Variants in SACS observed in about 807,000 individuals in gnomAD.
SACS encodes sacsin.
In SACS, 197 loss-of-function variants were observed where a neutral mutation model predicts 348.0. The ratio of observed to expected loss-of-function variants is 0.57; its 90% CI spans 0.50 to 0.64. The LOEUF (loss-of-function observed/expected upper bound fraction) is 0.64, where lower values mean the gene tolerates loss of function less well. SACS is among the 30% of genes least tolerant of loss of function. SACS has a pLI of 0.00. For missense variants in SACS, 4,999 were observed against 5,360.8 expected, an observed-to-expected ratio of 0.93 and a Z score of 2.11; for synonymous variants, 1,985 against 1,910.6, an observed-to-expected ratio of 1.04 and a Z score of -1.02.
In SACS at chr13:23,332,168, C is replaced by T. The variant is rs768413178; in HGVS notation, c.11708G>A (p.Arg3903Gln). Residue 3903 changes from arginine (R) to glutamine (Q), a missense_variant, in exon 10 of 10, where the codon CGA (arginine) becomes CAA (glutamine). This residue lies in a region of SACS where 831 missense variants were observed against 941.8 expected (regional missense o/e 0.88). Coordinates refer to ENST00000382292, the MANE Select transcript of SACS (RefSeq NM_014363.6). ...GCTTGGGAGGTAAAGCGCAAGGTCT[C>T]GTACATTCTCGAGATCACTCCTCAC... ...VKVRSDLENV[R>Q]DLALYLPSQD... is the part of the protein sequence containing the mutation. The T allele has an allele frequency of 5.6e-6, 9 of 1,613,894 alleles. No homozygotes were observed. In the Admixed American group the frequency reaches 6.7e-5, roughly 12 times the overall value.
intron 2 of SACS, among the ~76,000 whole-genome samples, chr13:23,407,127 T>C (rs1030348641): frequency 3.3e-5 from 5 of 152,246 alleles, no homozygotes; most frequent in African/African-American, 9.6e-5. Context: ...CCGAAGATAC[T>C]GTAAGCCCAA....
intron 2 of SACS, among the ~76,000 whole-genome samples, chr13:23,378,024 C>T (rs1167046761): frequency 1.3e-5 from 2 of 152,180 alleles, no homozygotes; most frequent in Non-Finnish European, 1.5e-5. Flanking sequence ...TTATTTTTAG[C>T]GACATTAAAC....
In SACS at chr13:23,329,745, T is replaced by G; in HGVS notation, c.*391A>C. 1 of 492,600 alleles carries G rather than the reference T, an allele frequency of 2.0e-6. No homozygotes were observed. The highest frequency in any genetic ancestry group is 3.6e-6 in the Non-Finnish European group (1 of 281,618). The allele number at this position is 492,600 out of a possible 1,614,324, so 30.5% of individuals were successfully genotyped here. On this transcript the variant is annotated 3_prime_UTR_variant, in exon 10 of 10. Coordinates refer to ENST00000382292, the MANE Select transcript of SACS (RefSeq NM_014363.6). ...TTAATTCCCCTTATGTTTAAACCAA[T>G]TATATGTCCAGTGTTTCATTAGCTC...
chr13:23,391,774 T>C (rs773731001), intron 2 of SACS, among the ~76,000 whole-genome samples: 1 of 151,154 alleles, frequency 6.6e-6, no homozygotes, highest in Non-Finnish European at 1.5e-5. Context: ...TGATCGCCTA[T>C]TCCATCCAGG....
At chr13:23,363,657 T>C (rs1037126538) in intron 6 of SACS, among the ~76,000 whole-genome samples, 4 of 152,236 alleles carry the variant, frequency 2.6e-5, no homozygotes, top group Admixed American at 6.5e-5. Flanking sequence ...AAAAACATCA[T>C]AGGCTCTCCT....
rs1480016379 is a variant in SACS at position 23,330,405 on chromosome 13, C to A, written c.13471G>T (p.Ala4491Ser). The change falls in exon 10 of 10, where the codon GCT (alanine) becomes TCT (serine). Residue 4491 changes from alanine to serine, a missense_variant. Physicochemically the swap from Ala to Ser is moderately conservative, Grantham distance 99. Transcript: ENST00000382292. ...TKLALIAADY[A>S]VRGKSDKDVK... ...TCTTTATCAGACTTTCCCCTCACAG[C>A]ATAGTCAGCTGCAATCAAAGCTAAC... The A allele has an allele frequency of 1.2e-6, 2 of 1,614,078 alleles. No individual in the cohort carries two copies. The highest frequency in any genetic ancestry group is 1.3e-5 in the African/African-American group (1 of 74,942).
chr13:23,360,509 A>G (rs1870663334), intron 6 of SACS, among the ~76,000 whole-genome samples: 1 of 152,080 alleles, frequency 6.6e-6, no homozygotes, highest in Non-Finnish European at 1.5e-5. Flanking sequence ...AGGAAATTAA[A>G]ATTTTCAGCA....
At chr13:23,409,034 GTTTTACTTTT>G (rs1873358312) in intron 2 of SACS, among the ~76,000 whole-genome samples, 1 of 74,520 alleles carries the variant, frequency 1.3e-5, no homozygotes. Flanking sequence ...AATAAAACAA[GTTTTACTTTT>G]TTTTTTTTTT....
intron 2 of SACS, chr13:23,375,592 G>C: frequency 3.0e-6 from 3 of 1,013,992 alleles, no homozygotes; most frequent in Non-Finnish European, 3.5e-6. Context: ...CCCTGCAGGC[G>C]CCGCCCGCGG....
rs1869160064 is a variant in SACS, at chr13:23,341,031, C to T, written c.2845G>A (p.Val949Ile). ...GGGAGTTTGGCAGTATGGTGTAAGA[C>T]TTTACAACCTTTCAATTTTGTATAA... Reference protein sequence around the residue: ...SSYTKLKGCKVLHHTAKLPAD... With the variant: ...SSYTKLKGCKILHHTAKLPAD... Residue 949 changes from valine to isoleucine, a missense_variant, in exon 10 of 10, where the codon GTC (valine) becomes ATC (isoleucine). This residue lies in a region of SACS where 3,156 missense variants were observed against 3,380.1 expected (regional missense o/e 0.93). Coordinates refer to ENST00000382292, the MANE Select transcript of SACS (RefSeq NM_014363.6). The T allele has an allele frequency of 6.2e-7, 1 of 1,614,084 alleles. No individual in the cohort carries two copies. The highest frequency in any genetic ancestry group is 8.5e-7 in the Non-Finnish European group (1 of 1,179,968).
In SACS at chr13:23,332,708, TCA is replaced by T. The variant is rs1883566609; in HGVS notation, c.11166_11167del (p.Ser3722ArgfsTer9). Reference sequence around the variant, plus strand: ...TTCAAGCTGTTCTTGTGGACCAAGGTCACTACCTTCTTGTTCTTTAATGCTTA... The same window carrying T: ...TTCAAGCTGTTCTTGTGGACCAAGGTCTACCTTCTTGTTCTTTAATGCTTA... On this transcript the variant is annotated frameshift_variant, in exon 10 of 10. Transcript: ENST00000382292. LOFTEE classifies it high-confidence loss of function. The T allele has an allele frequency of 1.2e-6, 2 of 1,614,012 alleles. No individual in the cohort carries two copies.
rs1870347971 is a variant in SACS, at chr13:23,355,831, A to G, written c.781T>C (p.Phe261Leu). 4 of 1,614,108 alleles carry G rather than the reference A, an allele frequency of 2.5e-6. No homozygotes were observed. The South Asian group carries it at 4.4e-5, about 18-fold the overall frequency. Residue 261 changes from phenylalanine (F) to leucine (L), a missense_variant, in exon 8 of 10, where the codon TTT (phenylalanine) becomes CTT (leucine). Coordinates refer to ENST00000382292, the MANE Select transcript of SACS (RefSeq NM_014363.6). ...GTTCCTGGAAAATTGCCGTTTATAA[A>G]TGTTTCCTTGGTGCTTCCAAAAATG... ...VGIFGSTKETFINGNFPGTFF... is the reference protein window; with the variant it reads ...VGIFGSTKETLINGNFPGTFF...
At chr13:23,392,929 G>A (rs1593170067) in intron 2 of SACS, among the ~76,000 whole-genome samples, 1 of 152,150 alleles carries the variant, frequency 6.6e-6, no homozygotes, top group East Asian at 1.9e-4. Context: ...ATACTGGGCA[G>A]GACTGAGTTC....
Position 23,335,380 on chromosome 13 carries a change from T to C in SACS, c.8496A>G (p.Val2832=). 6.2e-7 allele frequency: 1 copy of C among 1,613,952 alleles called. No homozygotes were observed. The highest frequency in any genetic ancestry group is 8.5e-7 in the Non-Finnish European group (1 of 1,179,868). Residue 2832 remains valine, a synonymous_variant, in exon 10 of 10, where the codon GTA becomes GTG. Transcript: ENST00000382292. The surrounding 1 kb of genome is among the most constrained non-coding windows in gnomAD (Gnocchi z 4.7). ...NRSGFSSMEK[V]SKSVISAHKN... is the part of the protein sequence containing the mutation. The stretch of plus-strand genomic sequence containing the variant: ...TGTGAGCTGATATGACACTTTTAGA[T>C]ACTTTCTCCATACTTGAAAAGCCTG...
chr13:23,363,839 G>A (rs1236035948), intron 6 of SACS, among the ~76,000 whole-genome samples: 1 of 152,200 alleles, frequency 6.6e-6, no homozygotes, highest in Non-Finnish European at 1.5e-5. Context: ...AGCTGCCACT[G>A]AGTGTAACAG....
In SACS at chr13:23,339,240, T is replaced by G; in HGVS notation, c.4636A>C (p.Lys1546Gln). Residue 1546 changes from lysine to glutamine, a missense_variant, in exon 10 of 10, where the codon AAA (lysine) becomes CAA (glutamine). Transcript: ENST00000382292. ...VNITRLGESL[K>Q]RGEVDKVGKF... ...CCAACTTTGTCAACTTCTCCCCTTTTTAAAGATTCTCCTAACCTAGTTATG... is the reference window on the plus strand; with the variant it reads ...CCAACTTTGTCAACTTCTCCCCTTTGTAAAGATTCTCCTAACCTAGTTATG... 6.2e-7 allele frequency: 1 copy of G among 1,608,508 alleles called. No individual in the cohort carries two copies. The highest frequency in any genetic ancestry group is 1.1e-5 in the South Asian group (1 of 89,642).
chr13:23,391,537 T>C (rs1465281811), intron 2 of SACS, among the ~76,000 whole-genome samples: 2 of 149,448 alleles, frequency 1.3e-5, no homozygotes, highest in Non-Finnish European at 1.5e-5. Context: ...AAGGTCACTG[T>C]CCTTCTCAGG....
intron 2 of SACS, among the ~76,000 whole-genome samples, chr13:23,382,163 G>GT (rs1274130941): frequency 1.3e-5 from 2 of 151,876 alleles, no homozygotes; most frequent in African/African-American, 4.8e-5. Context: ...TTTGTTTTTT[G>GT]TTTTTTTTGA....
intron 2 of SACS, among the ~76,000 whole-genome samples, chr13:23,406,459 C>T (rs1002246711): frequency 6.6e-6 from 1 of 152,092 alleles, no homozygotes; most frequent in Non-Finnish European, 1.5e-5. Flanking sequence ...AGCAAACCAC[C>T]ATGGTACATG....
Sources: allele counts gnomAD v4.1 joint callset (sites outside exome capture counted in the v4.1 genomes callset), GRCh38; gene constraint gnomAD v4.1.1; regional missense constraint gnomAD v4.1.1; non-coding constraint Gnocchi (gnomAD v3.1); transcripts MANE v1.5; gene names NCBI Gene and HGNC (gene_info 2026-07-23, HGNC 2026-07-21).